Variants in CEP350 observed in about 807,000 individuals in gnomAD.
CEP350 encodes centrosome-associated protein 350.
In CEP350, 126 loss-of-function variants were observed where a neutral mutation model predicts 331.8. The observed-to-expected ratio is 0.38, with a 90% CI of 0.33 to 0.44. The LOEUF is 0.44. Among genes scored for constraint, CEP350 ranks in the 20% least tolerant of loss-of-function variants. CEP350 has a pLI of 1.00. For synonymous variants in CEP350, 1,200 were observed against 1,259.5 expected (o/e 0.95, Z 1.00); for missense variants, 3,406 against 3,634.6 (o/e 0.94, Z 1.62).
intron 31 of CEP350, among the ~76,000 whole-genome samples, chr1:180,086,516 TA>T (rs1211518901): frequency 1.6e-4 from 23 of 147,230 alleles, no homozygotes; most frequent in South Asian, 4.4e-4. Flanking sequence ...ATTTAACTTT[TA>T]AAATTACAGT....
chr1:179,992,795 A>G (rs567986747), intron 5 of CEP350, among the ~76,000 whole-genome samples: 14 of 152,332 alleles, frequency 9.2e-5, no homozygotes, highest in Non-Finnish European at 1.8e-4. Flanking sequence ...AAGATATTCA[A>G]CTGATAAACT....
rs1284943224 is a variant in CEP350 at position 180,112,987 on chromosome 1, C to G, written c.*1826C>G. 6.6e-6 allele frequency: 1 copy of G among 152,624 alleles called. No homozygotes were observed. Among genetic ancestry groups the G allele is most frequent in the Non-Finnish European group, 1.5e-5 (1 of 68,032 alleles). 9.5% of individuals were successfully genotyped at this position (152,624 alleles called of 1,614,324 possible). A position where few individuals can be genotyped will look rare whatever the true frequency, so the allele number is the denominator to read the frequency against. ...TCTCGGGAAATGCTCAGATTGATGT[C>G]TTACCAGCATTTCTTCTGGGCTTGT... is the stretch of plus-strand genomic sequence containing the variant. On this transcript the variant is annotated 3_prime_UTR_variant, in exon 38 of 38. Transcript: ENST00000367607.
chr1:180,092,567 G>C (rs1660260979), intron 33 of CEP350, 47 bp from the exon 34 acceptor site: 4 of 1,371,174 alleles, frequency 2.9e-6, no homozygotes, highest in Non-Finnish European at 3.9e-6. Flanking sequence ...AAAATTGAAA[G>C]ATAGTGATTA....
intron 26 of CEP350, among the ~76,000 whole-genome samples, chr1:180,064,306 A>G (rs1226023535): frequency 1.3e-5 from 2 of 151,734 alleles, no homozygotes; most frequent in East Asian, 1.9e-4. Flanking sequence ...TCTTCATCCT[A>G]CTCAGGTTCT....
At chr1:179,966,196 T>G (rs1280814391) in intron 1 of CEP350, among the ~76,000 whole-genome samples, 1 of 152,184 alleles carries the variant, frequency 6.6e-6, no homozygotes, top group East Asian at 1.9e-4. Flanking sequence ...TGCTTAAGCT[T>G]TTTATTTGCC....
In CEP350 at chr1:180,065,160, C is replaced by G; in HGVS notation, c.5455C>G (p.Pro1819Ala). The G allele has an allele frequency of 6.2e-7, 1 of 1,613,394 alleles. No homozygotes were observed. Among genetic ancestry groups the G allele is most frequent in the South Asian group, 1.1e-5 (1 of 90,966 alleles). ...DDTKDNKATS[P>A]GPTDLETRSP... The stretch of plus-strand genomic sequence containing the variant: ...TACAAAGGATAATAAGGCAACCAGT[C>G]CTGGTCCAACTGACTTGGAGACCCG... Residue 1819 changes from proline (P) to alanine (A), a missense_variant, in exon 27 of 38, where the codon CCT (proline) becomes GCT (alanine). By Grantham distance (27) the Pro-to-Ala change is conservative. Around this residue, in one of 5 missense-constraint regions of CEP350, gnomAD observed 1,415 missense variants for 1,512.3 expected, o/e 0.94. Coordinates refer to ENST00000367607, the MANE Select transcript of CEP350 (RefSeq NM_014810.5).
At chr1:180,018,044 C>T (rs1395878409) in intron 11 of CEP350, among the ~76,000 whole-genome samples, 1 of 152,160 alleles carries the variant, frequency 6.6e-6, no homozygotes, top group Non-Finnish European at 1.5e-5. Context: ...CTTGCTTTTT[C>T]ACACAGGCTA....
In CEP350 at chr1:180,090,709, G is replaced by T; in HGVS notation, c.6426-5G>T. 1 of 1,544,770 alleles carries T rather than the reference G, an allele frequency of 6.5e-7. No homozygotes were observed. The highest frequency in any genetic ancestry group is 8.7e-7 in the Non-Finnish European group (1 of 1,144,106). On this transcript the variant is annotated splice_polypyrimidine_tract_variant and splice_region_variant and intron_variant, in intron 32 of 37. Transcript: ENST00000367607. ...TATTTCTGCTCATTAATTTTTACAC[G>T]TCAGATCTGAAACGGCAAAGAATTG...
chr1:180,065,011 A>G (rs1227605175), intron 26 of CEP350, 104 bp from the exon 27 acceptor site: 8 of 1,219,720 alleles, frequency 6.6e-6, no homozygotes, highest in Non-Finnish European at 7.6e-6. Context: ...AACTATTGTT[A>G]TAAACATTGT....
At chr1:180,090,545 CAAAAAAAAA>C (rs36128628) in intron 32 of CEP350, among the ~76,000 whole-genome samples, 160 bp from the exon 33 acceptor site, 16 of 77,354 alleles carry the variant, frequency 2.1e-4, no homozygotes, top group South Asian at 9.5e-4. Flanking sequence ...GACTCCGTCT[CAAAAAAAAA>C]AAAAAAAAAA....
chr1:180,066,092 C>T lies in CEP350; in HGVS notation c.5567+820C>T, dbSNP rs571647350. On this transcript the variant is annotated intron_variant, in intron 27 of 37. Coordinates refer to ENST00000367607, the MANE Select transcript of CEP350 (RefSeq NM_014810.5). ...GTCTTAACATTCTTCTAAAATAGTT[C>T]TAAGAATTATTTTGTAAAGACTCTT... Among the ~76,000 whole-genome samples, 35 of 152,138 alleles carry T rather than the reference C, an allele frequency of 2.3e-4. No homozygotes were observed. In the South Asian group the frequency reaches 5.8e-3, roughly 25 times the overall value.
chr1:180,065,400 A>G lies in CEP350; in HGVS notation c.5567+128A>G, dbSNP rs116121651. 1.6e-3 allele frequency: 1,431 copies of G among 913,066 alleles called. 13 individuals carry two copies. In the African/African-American group the frequency reaches 0.022, roughly 14 times the overall value. 56.6% of individuals were successfully genotyped at this position (913,066 alleles called of 1,614,324 possible). On this transcript the variant is annotated intron_variant, in intron 27 of 37. Transcript: ENST00000367607. The stretch of plus-strand genomic sequence containing the variant: ...TTTATGGATTCAGTAGCATTTTAGC[A>G]GAATTGTTAGATTAACCTAGAAGCC...
chr1:179,955,047 G>T lies in CEP350; in HGVS notation c.-109G>T. 6 of 1,358,084 alleles carry T rather than the reference G, an allele frequency of 4.4e-6. No homozygotes were observed. The highest frequency in any genetic ancestry group is 5.7e-6 in the Non-Finnish European group (6 of 1,054,618). The allele number at this position is 1,358,084 out of a possible 1,614,324, so 84.1% of individuals were successfully genotyped here. Reference sequence around the variant, plus strand: ...TCCCCGGAGCGGGGAGGCCAGGCCGGGCAGCCCTGGGGCCGGTCGGGGCGG... The same window carrying T: ...TCCCCGGAGCGGGGAGGCCAGGCCGTGCAGCCCTGGGGCCGGTCGGGGCGG... On this transcript the variant is annotated 5_prime_UTR_variant, in exon 1 of 38. Transcript: ENST00000367607.
chr1:180,064,707 A>G (rs749325807), intron 26 of CEP350, among the ~76,000 whole-genome samples: 1 of 152,186 alleles, frequency 6.6e-6, no homozygotes, highest in Non-Finnish European at 1.5e-5. Flanking sequence ...TACATCTTCC[A>G]GTCATTCTTT....
At chr1:179,973,115 C>T (rs1309857158) in intron 1 of CEP350, among the ~76,000 whole-genome samples, 1 of 152,164 alleles carries the variant, frequency 6.6e-6, no homozygotes, top group African/African-American at 2.4e-5. Context: ...GATCCATCTG[C>T]CTCAGCCTCC....
chr1:180,099,780 ATTTTTTT>A (rs200255438), intron 37 of CEP350, among the ~76,000 whole-genome samples: 64,875 of 119,254 alleles, frequency 0.54, 15,961 homozygotes, highest in East Asian at 0.68. Flanking sequence ...GCCTTATTTG[ATTTTTTT>A]TTTTTTTTTT....
At chr1:180,068,890 A>G (rs1658712446) in intron 27 of CEP350, among the ~76,000 whole-genome samples, 1 of 152,200 alleles carries the variant, frequency 6.6e-6, no homozygotes, top group Admixed American at 6.5e-5. Flanking sequence ...ATCAATTGTT[A>G]AGGAAGTTCA....
intron 13 of CEP350, among the ~76,000 whole-genome samples, chr1:180,024,113 G>C (rs1655512039): frequency 6.6e-6 from 1 of 151,782 alleles, no homozygotes; most frequent in Admixed American, 6.6e-5. Flanking sequence ...AGGAGAAATA[G>C]TTATAATATA....
intron 1 of CEP350, among the ~76,000 whole-genome samples, chr1:179,963,779 C>A (rs2148549759): frequency 6.6e-6 from 1 of 152,098 alleles, no homozygotes; most frequent in Non-Finnish European, 1.5e-5. Context: ...TGTGATGCCT[C>A]CTGCTGTGTT....
Sources: allele counts gnomAD v4.1 joint callset (sites outside exome capture counted in the v4.1 genomes callset), GRCh38; gene constraint gnomAD v4.1.1; regional missense constraint gnomAD v4.1.1; transcripts MANE v1.5; gene names NCBI Gene and HGNC (gene_info 2026-07-23, HGNC 2026-07-21).